HNF4G: variants seen among roughly 807,000 people sequenced by gnomAD.
The protein encoded by HNF4G is hepatocyte nuclear factor 4 gamma, also known as hepatocyte nuclear factor 4-gamma.
Under a neutral mutation model 50.9 loss-of-function variants are expected in HNF4G, and 21 were observed. That is an observed-to-expected ratio of 0.41 (90% confidence interval 0.29 to 0.59). HNF4G has a LOEUF of 0.59. HNF4G is among the 20% of genes least tolerant of loss of function. The probability of loss-of-function intolerance (pLI) is 0.26; values close to 1 mark genes in which losing one functional copy is unlikely to be tolerated. For synonymous variants in HNF4G, 198 were observed against 185.6 expected (o/e 1.07, Z -0.54); for missense variants, 527 against 559.4 (o/e 0.94, Z 0.58).
intron 6 of HNF4G, among the ~76,000 whole-genome samples, 158 bp from the exon 7 acceptor site, chr8:75,558,360 T>A (rs1807191620): frequency 6.6e-6 from 1 of 152,224 alleles, no homozygotes; most frequent in Admixed American, 6.5e-5. Flanking sequence ...TAAGTTTTTC[T>A]AGCATAACTA....
At chr8:75,481,089 A>C (rs1812366864) in intron 1 of HNF4G, among the ~76,000 whole-genome samples, 1 of 152,134 alleles carries the variant, frequency 6.6e-6, no homozygotes, top group Non-Finnish European at 1.5e-5. Flanking sequence ...AGTCCTACAG[A>C]TTAGAAATGC....
intron 1 of HNF4G, among the ~76,000 whole-genome samples, chr8:75,464,680 G>T (rs539888945): frequency 6.6e-6 from 1 of 152,120 alleles, no homozygotes; most frequent in Non-Finnish European, 1.5e-5. Context: ...GAGTCTATCA[G>T]ATTGTATATT....
intron 1 of HNF4G, among the ~76,000 whole-genome samples, chr8:75,432,435 G>C (rs1476482562): frequency 6.6e-6 from 1 of 152,000 alleles, no homozygotes; most frequent in Non-Finnish European, 1.5e-5. Context: ...TTGTGCCTCA[G>C]CCTCCCAAGT....
At chr8:75,531,156 T>G (rs191946157) in intron 2 of HNF4G, among the ~76,000 whole-genome samples, 10 of 152,234 alleles carry the variant, frequency 6.6e-5, no homozygotes, top group Non-Finnish European at 1.2e-4. Context: ...ATAGAAATTC[T>G]AGAGAAATAT....
intron 1 of HNF4G, among the ~76,000 whole-genome samples, chr8:75,479,045 A>T (rs1171285516): frequency 6.6e-6 from 1 of 152,206 alleles, no homozygotes; most frequent in Non-Finnish European, 1.5e-5. Flanking sequence ...TTAAAGGGAT[A>T]TGAAAGGGCT....
At chr8:75,560,611 A>G (rs1807283120) in intron 9 of HNF4G, 145 bp downstream of exon 9, 2 of 649,514 alleles carry the variant, frequency 3.1e-6, no homozygotes, top group Non-Finnish European at 2.6e-6. Flanking sequence ...GAAGACTGTT[A>G]TTCAGCTTGT....
intron 1 of HNF4G, among the ~76,000 whole-genome samples, chr8:75,439,206 T>C (rs1811212959): frequency 1.3e-5 from 2 of 152,076 alleles, no homozygotes; most frequent in African/African-American, 4.8e-5. Context: ...AATATAATTA[T>C]TTTTAACTTT....
chr8:75,495,197 A>G (rs973467705), intron 2 of HNF4G, among the ~76,000 whole-genome samples: 1 of 152,206 alleles, frequency 6.6e-6, no homozygotes, highest in Admixed American at 6.5e-5. Flanking sequence ...TCATTGTGTC[A>G]TCTTTGAAAT....
intron 2 of HNF4G, among the ~76,000 whole-genome samples, chr8:75,501,486 G>A (rs1447831461): frequency 1.3e-5 from 2 of 152,026 alleles, no homozygotes; most frequent in Non-Finnish European, 2.9e-5. Flanking sequence ...TAGACAGATC[G>A]ATAAGTTGAA....
intron 2 of HNF4G, among the ~76,000 whole-genome samples, chr8:75,529,137 A>C (rs1048263602): frequency 2.3e-4 from 35 of 152,100 alleles, no homozygotes; most frequent in Non-Finnish European, 4.7e-4. Flanking sequence ...ATACAAAAAA[A>C]AAAATTAGCT....
At chr8:75,492,030 T>A (rs71529214) in intron 2 of HNF4G, among the ~76,000 whole-genome samples, 7,621 of 152,346 alleles carry the variant, frequency 0.05, 263 homozygotes, top group Non-Finnish European at 0.072. Flanking sequence ...GCTGGTTTTC[T>A]TGTAGACTGC....
intron 2 of HNF4G, among the ~76,000 whole-genome samples, chr8:75,504,673 C>G (rs1293109656): frequency 1.3e-5 from 2 of 152,014 alleles, no homozygotes; most frequent in African/African-American, 4.8e-5. Context: ...TGGACATTTT[C>G]CAATGTTAGT....
At chr8:75,415,392 A>G (rs1458792581) in intron 1 of HNF4G, among the ~76,000 whole-genome samples, 2 of 152,150 alleles carry the variant, frequency 1.3e-5, no homozygotes, top group African/African-American at 4.8e-5. Flanking sequence ...CATAAATGGG[A>G]ATAGCATGTA....
At chr8:75,433,412 C>CA (rs1186388765) in intron 1 of HNF4G, among the ~76,000 whole-genome samples, 14,469 of 63,104 alleles carry the variant, frequency 0.23, 852 homozygotes, top group Middle Eastern at 0.36. Flanking sequence ...TGTCTCAGAA[C>CA]AAAAAAAAAA....
chr8:75,476,811 C>G (rs1176390468), intron 1 of HNF4G, among the ~76,000 whole-genome samples: 1 of 152,180 alleles, frequency 6.6e-6, no homozygotes, highest in East Asian at 1.9e-4. Context: ...ATTCCTTTAC[C>G]TGCTCTGGGG....
At chr8:75,457,725 G>C (rs1054814932) in intron 1 of HNF4G, among the ~76,000 whole-genome samples, 1 of 152,084 alleles carries the variant, frequency 6.6e-6, no homozygotes, top group Non-Finnish European at 1.5e-5. Flanking sequence ...CATCAGGGGC[G>C]GTGGGGGTGG....
At chr8:75,413,952 A>G (rs562139880) in intron 1 of HNF4G, among the ~76,000 whole-genome samples, 1 of 152,152 alleles carries the variant, frequency 6.6e-6, no homozygotes, top group East Asian at 1.9e-4. Flanking sequence ...TGAAAAGCCA[A>G]CTCACTTTTC....
chr8:75,449,665 C>G (rs950389467), intron 1 of HNF4G, among the ~76,000 whole-genome samples: 5 of 151,760 alleles, frequency 3.3e-5, no homozygotes, highest in African/African-American at 1.2e-4. Context: ...CGCCACCACG[C>G]CAGGCTAATT....
intron 1 of HNF4G, among the ~76,000 whole-genome samples, chr8:75,425,159 C>G (rs1810863989): frequency 6.6e-6 from 1 of 151,146 alleles, no homozygotes; most frequent in African/African-American, 2.5e-5. Context: ...AATCTCGGCT[C>G]ACTGCAACTT....
Sources: gnomAD v4.1 joint callset for allele counts (sites outside exome capture counted in the v4.1 genomes callset) on GRCh38, gnomAD v4.1.1 for gene constraint, MANE v1.5 for transcripts, NCBI Gene and HGNC (gene_info 2026-07-23, HGNC 2026-07-21) for gene names.